The following UBTD1 variants were observed in gnomAD, a reference collection of about 807,000 sequenced individuals.
UBTD1 encodes ubiquitin domain containing 1.
Under a neutral mutation model 21.7 loss-of-function variants are expected in UBTD1, and 19 were observed. That is an observed-to-expected ratio of 0.87 (90% confidence interval 0.61 to 1.28). UBTD1 has a LOEUF of 1.28. UBTD1 is among the 50% of genes most tolerant of loss of function. The probability of loss-of-function intolerance (pLI) is 0.00; values close to 1 mark genes in which losing one functional copy is unlikely to be tolerated. For missense variants in UBTD1, 282 were observed against 315.1 expected, an observed-to-expected ratio of 0.89 and a Z score of 0.80; for synonymous variants, 116 against 135.1, an observed-to-expected ratio of 0.86 and a Z score of 0.98.
At chr10:97,533,851 AG>A (rs1332776639) in intron 1 of UBTD1, among the ~76,000 whole-genome samples, 3 of 150,490 alleles carry the variant, frequency 2.0e-5, no homozygotes, top group Admixed American at 6.7e-5. Flanking sequence ...TGAACCTGGG[AG>A]GTCGAGGTTA....
chr10:97,510,937 G>C (rs1344305239), intron 1 of UBTD1, among the ~76,000 whole-genome samples: 1 of 152,074 alleles, frequency 6.6e-6, no homozygotes, highest in East Asian at 1.9e-4. Flanking sequence ...AACATTTCTT[G>C]CCAGTAGGTC....
At chr10:97,551,222 A>G (rs1166112120) in intron 1 of UBTD1, among the ~76,000 whole-genome samples, 1 of 152,126 alleles carries the variant, frequency 6.6e-6, no homozygotes, top group East Asian at 1.9e-4. Context: ...CTATACACAG[A>G]CATATACATT....
chr10:97,544,234 A>G (rs1409782951), intron 1 of UBTD1, among the ~76,000 whole-genome samples: 1 of 151,772 alleles, frequency 6.6e-6, no homozygotes, highest in African/African-American at 2.4e-5. Flanking sequence ...CAGAGGTTGC[A>G]GTGAGCCAAG....
intron 1 of UBTD1, among the ~76,000 whole-genome samples, chr10:97,563,581 G>A (rs1285526739): frequency 2.0e-5 from 3 of 152,160 alleles, no homozygotes; most frequent in Non-Finnish European, 4.4e-5. Context: ...CAGAGTGAAA[G>A]TATTGGAGGG....
Position 97,499,082 on chromosome 10 carries a change from G to A in UBTD1, c.-122G>A. 8.7e-7 allele frequency: 1 copy of A among 1,143,064 alleles called. No individual in the cohort carries two copies. The allele number at this position is 1,143,064 out of a possible 1,614,324, so 70.8% of individuals were successfully genotyped here. ...ATCGCTGGGGCTGAGCGCGCCCCCGGGGGGAGATCGGGGAGCGCCCGATGC... is the reference window on the plus strand; with the variant it reads ...ATCGCTGGGGCTGAGCGCGCCCCCGAGGGGAGATCGGGGAGCGCCCGATGC... On this transcript the variant is annotated 5_prime_UTR_variant, in exon 1 of 3. Transcript: ENST00000370664.
chr10:97,562,900 G>A (rs778454864), intron 1 of UBTD1, among the ~76,000 whole-genome samples: 7 of 152,182 alleles, frequency 4.6e-5, no homozygotes, highest in Non-Finnish European at 5.9e-5. Flanking sequence ...GTGGTGAAAT[G>A]TTGGGGCAGC....
chr10:97,501,492 AG>A (rs2040376178), intron 1 of UBTD1, among the ~76,000 whole-genome samples: 1 of 152,120 alleles, frequency 6.6e-6, no homozygotes, highest in African/African-American at 2.4e-5. Context: ...CAGGAGGCTG[AG>A]GCAGGGAGAT....
chr10:97,567,419 G>C (rs900207927), intron 1 of UBTD1, among the ~76,000 whole-genome samples: 1 of 148,814 alleles, frequency 6.7e-6, no homozygotes, highest in Non-Finnish European at 1.5e-5. Flanking sequence ...CCAGTACTTC[G>C]GGAGGCTGAG....
At chr10:97,510,048 T>G (rs2040417130) in intron 1 of UBTD1, among the ~76,000 whole-genome samples, 1 of 151,776 alleles carries the variant, frequency 6.6e-6, no homozygotes, top group Admixed American at 6.6e-5. Flanking sequence ...CTGCAATCTC[T>G]GCCTCCTGGG....
intron 1 of UBTD1, among the ~76,000 whole-genome samples, chr10:97,550,982 C>T (rs766271545): frequency 1.1e-4 from 16 of 152,190 alleles, no homozygotes; most frequent in Non-Finnish European, 1.8e-4. Context: ...CTCTGGAGAC[C>T]ATGTGTTGAA....
intron 1 of UBTD1, among the ~76,000 whole-genome samples, chr10:97,521,580 C>T (rs772378792): frequency 1.3e-5 from 2 of 152,240 alleles, no homozygotes; most frequent in Admixed American, 6.5e-5. Flanking sequence ...TCTGCCATAG[C>T]CTGGTAGAGG....
rs1184999896 is a variant in UBTD1, at chr10:97,499,199, C to G, written c.-5C>G. 1 of 1,543,638 alleles carries G rather than the reference C, an allele frequency of 6.5e-7. No homozygotes were observed. Among genetic ancestry groups the G allele is most frequent in the Non-Finnish European group, 8.7e-7 (1 of 1,144,240 alleles). On this transcript the variant is annotated 5_prime_UTR_variant, in exon 1 of 3. Transcript: ENST00000370664. ...CGGTGCATGGGGACTGGCTGAGGAG[C>G]CAGCATGGGCAACTGCGTGGGGAGA...
intron 1 of UBTD1, among the ~76,000 whole-genome samples, chr10:97,545,013 G>C (rs1360672261): frequency 6.6e-6 from 1 of 151,902 alleles, no homozygotes; most frequent in African/African-American, 2.4e-5. Flanking sequence ...TGTTGTTCAA[G>C]GGTCAACCGT....
intron 1 of UBTD1, among the ~76,000 whole-genome samples, chr10:97,528,980 C>T (rs1368034637): frequency 1.4e-3 from 213 of 151,784 alleles, no homozygotes; most frequent in Non-Finnish European, 1.1e-3. Context: ...GGGTGGCTGC[C>T]GGGCGGAGAC....
intron 1 of UBTD1, among the ~76,000 whole-genome samples, chr10:97,520,853 A>T (rs1324682757): frequency 6.6e-6 from 1 of 152,124 alleles, no homozygotes; most frequent in Non-Finnish European, 1.5e-5. Context: ...AAGGAGAGAG[A>T]GGCCGTGTCC....
intron 1 of UBTD1, among the ~76,000 whole-genome samples, chr10:97,553,469 T>A (rs1280370452): frequency 6.6e-6 from 1 of 152,248 alleles, no homozygotes; most frequent in Admixed American, 6.5e-5. Context: ...ATGTTCATCA[T>A]CGACTTGTCT....
rs1270849100 is a variant in UBTD1 at position 97,527,983 on chromosome 10, G to A, written c.70+28710G>A. Among the ~76,000 whole-genome samples, 3 of 151,526 alleles carry A rather than the reference G, an allele frequency of 2.0e-5. No homozygotes were observed. In the East Asian group the frequency reaches 5.9e-4, roughly 30 times the overall value. On this transcript the variant is annotated intron_variant, in intron 1 of 2. Transcript: ENST00000370664. ...CTGGGTACACCTCCCAGACGGGGTG[G>A]TGGCCGGGCAGAGGGGCTCCTCACT...
At chr10:97,528,985 G>A (rs1165559145) in intron 1 of UBTD1, among the ~76,000 whole-genome samples, 6 of 151,572 alleles carry the variant, frequency 4.0e-5, no homozygotes, top group African/African-American at 7.3e-5. Context: ...GCTGCCGGGC[G>A]GAGACGCTCC....
At chr10:97,524,955 T>C (rs1372540280) in intron 1 of UBTD1, among the ~76,000 whole-genome samples, 1 of 152,138 alleles carries the variant, frequency 6.6e-6, no homozygotes, top group Non-Finnish European at 1.5e-5. Context: ...GGCTGAGAAA[T>C]GTCTGCCTGG....
Sources: allele counts gnomAD v4.1 joint callset (sites outside exome capture counted in the v4.1 genomes callset), GRCh38; gene constraint gnomAD v4.1.1; transcripts MANE v1.5; gene names NCBI Gene and HGNC (gene_info 2026-07-23, HGNC 2026-07-21).